Variants in GLT1D1 observed in about 807,000 individuals in gnomAD.
GLT1D1 encodes the protein glycosyltransferase 1 domain-containing protein 1.
Under a neutral mutation model 28.7 loss-of-function variants are expected in GLT1D1, and 21 were observed. That is an observed-to-expected ratio of 0.73 (90% CI 0.52 to 1.05). The LOEUF (loss-of-function observed/expected upper bound fraction) is 1.05. Ranked by LOEUF, GLT1D1 falls within the 50% of genes least tolerant of loss-of-function variation. The pLI, the probability that GLT1D1 is intolerant of heterozygous loss-of-function variation, is 0.00. For synonymous variants in GLT1D1, 147 were observed against 124.8 expected (o/e 1.18, Z -1.19); for missense variants, 343 against 330.6 (o/e 1.04, Z -0.29).
intron 1 of GLT1D1, among the ~76,000 whole-genome samples, chr12:128,867,397 C>CAAAAAAAAA (rs1158997935): frequency 3.4e-5 from 2 of 59,308 alleles, no homozygotes; most frequent in Admixed American, 2.5e-4. Context: ...AACTCCTTCT[C>CAAAAAAAAA]AAAAAAAAAA....
intron 4 of GLT1D1, among the ~76,000 whole-genome samples, chr12:128,904,214 A>G (rs2135864805): frequency 6.6e-6 from 1 of 151,922 alleles, no homozygotes; most frequent in South Asian, 2.1e-4. Context: ...AATTTCAAAA[A>G]TTACCAATAT....
chr12:128,883,272 A>T (rs1236648819), intron 2 of GLT1D1, among the ~76,000 whole-genome samples: 2 of 151,620 alleles, frequency 1.3e-5, no homozygotes, highest in Non-Finnish European at 2.9e-5. Flanking sequence ...ATAAGGAAGC[A>T]GATAAGGTCG....
chr12:128,873,919 CTT>C (rs1187646884), intron 1 of GLT1D1, among the ~76,000 whole-genome samples: 1 of 107,354 alleles, frequency 9.3e-6, no homozygotes, highest in Admixed American at 1.1e-4. Flanking sequence ...TTCTCTCTTT[CTT>C]TTTCTTTCTT....
At chr12:128,890,967 C>G (rs1234514937) in intron 3 of GLT1D1, among the ~76,000 whole-genome samples, 1 of 152,002 alleles carries the variant, frequency 6.6e-6, no homozygotes. Flanking sequence ...CCATTGCACT[C>G]CAGCCTGGGA....
chr12:128,954,377 G>A lies in GLT1D1; in HGVS notation c.541-3168G>A, dbSNP rs191722620. On this transcript the variant is annotated intron_variant, in intron 6 of 7. Transcript: ENST00000281703. ...GATCTCCTGACCTTGTGATCCTCCC[G>A]CCTCAGCCTCCCAAAGTGCTGGGAT... 5.2e-3 allele frequency among the ~76,000 whole-genome samples: 778 copies of A among 149,990 alleles called. 5 individuals are homozygous for A. The highest frequency in any genetic ancestry group is 0.018 in the African/African-American group (731 of 40,784).
chr12:128,952,441 G>C (rs1331119719), intron 6 of GLT1D1, among the ~76,000 whole-genome samples: 1 of 131,036 alleles, frequency 7.6e-6, no homozygotes, highest in African/African-American at 3.0e-5. Flanking sequence ...GGGTGGGGGG[G>C]GGTGGGGCTG....
chr12:128,974,145 C>T (rs1472270849), intron 7 of GLT1D1, among the ~76,000 whole-genome samples: 1 of 152,118 alleles, frequency 6.6e-6, no homozygotes, highest in African/African-American at 2.4e-5. Flanking sequence ...AGTCCAAATT[C>T]CTAGTTCCTT....
In GLT1D1 at chr12:128,976,522, T is replaced by G. The variant is rs142266899; in HGVS notation, c.640-6407T>G. Among the ~76,000 whole-genome samples, 355 of 152,318 alleles carry G rather than the reference T, an allele frequency of 2.3e-3. 2 individuals carry two copies. The highest frequency in any genetic ancestry group is 8.0e-3 in the African/African-American group (331 of 41,574). On this transcript the variant is annotated intron_variant, in intron 7 of 7. Transcript: ENST00000281703. ...GCGCCAGCCTTGAGACACTTCCTCG[T>G]CAACGTCTCCCATCGACAAGCTGTC...
At chr12:128,946,388 T>C (rs470861) in intron 5 of GLT1D1, among the ~76,000 whole-genome samples, 43,543 of 151,924 alleles carry the variant, frequency 0.29, 6,364 homozygotes, top group Middle Eastern at 0.36. Context: ...GCTCTGTCGC[T>C]CAGGCTGGAG....
intron 2 of GLT1D1, among the ~76,000 whole-genome samples, chr12:128,879,463 T>TTTC (rs1956982971): frequency 7.3e-6 from 1 of 137,556 alleles, no homozygotes; most frequent in Non-Finnish European, 1.5e-5. Context: ...TCTTTCTTTT[T>TTTC]TTTGGGGGGG....
chr12:128,903,118 T>TCATC (rs1198918277), intron 4 of GLT1D1, among the ~76,000 whole-genome samples: 1 of 151,660 alleles, frequency 6.6e-6, no homozygotes, highest in Non-Finnish European at 1.5e-5. Flanking sequence ...GCCTTCAATA[T>TCATC]CATCCTCCAC....
intron 1 of GLT1D1, among the ~76,000 whole-genome samples, chr12:128,866,709 T>G (rs918167375): frequency 6.6e-6 from 1 of 151,754 alleles, no homozygotes; most frequent in Non-Finnish European, 1.5e-5. Flanking sequence ...CAACCTCCAT[T>G]TCCCTGGTTC....
intron 7 of GLT1D1, among the ~76,000 whole-genome samples, chr12:128,974,006 G>C (rs1366675365): frequency 6.6e-6 from 1 of 151,118 alleles, no homozygotes; most frequent in African/African-American, 2.4e-5. Context: ...GGTGCTCAGA[G>C]GGGGACAGTC....
At chr12:128,893,220 G>A (rs942900232) in intron 3 of GLT1D1, among the ~76,000 whole-genome samples, 1 of 152,158 alleles carries the variant, frequency 6.6e-6, no homozygotes, top group Non-Finnish European at 1.5e-5. Flanking sequence ...ACTGCAGCCT[G>A]GGTGAAAGAG....
chr12:128,931,636 G>A (rs773789583), intron 4 of GLT1D1, among the ~76,000 whole-genome samples: 2 of 151,976 alleles, frequency 1.3e-5, no homozygotes, highest in Admixed American at 6.6e-5. Context: ...TATGGAACAC[G>A]GCACCTCCCC....
chr12:128,938,954 G>C (rs750329592), intron 4 of GLT1D1, among the ~76,000 whole-genome samples: 1 of 152,190 alleles, frequency 6.6e-6, no homozygotes, highest in Non-Finnish European at 1.5e-5. Flanking sequence ...TATGATAACT[G>C]TATTCTGCAG....
chr12:128,891,959 A>T (rs1182167009), intron 3 of GLT1D1, among the ~76,000 whole-genome samples: 1 of 152,186 alleles, frequency 6.6e-6, no homozygotes, highest in African/African-American at 2.4e-5. Flanking sequence ...GATGTGAGAC[A>T]TCAATCAATA....
At position 128,879,380 on chromosome 12, in the gene GLT1D1, T is replaced by C. The variant is rs897208308; in HGVS notation, c.217+3318T>C. Among the ~76,000 whole-genome samples, 19 of 28,228 alleles carry C rather than the reference T, an allele frequency of 6.7e-4. 1 individual carries two copies. The highest frequency in any genetic ancestry group is 2.8e-3 in the African/African-American group (17 of 5,968). The allele number at this position is 28,228 out of a possible 152,430, so 18.5% of individuals were successfully genotyped here. A position where few individuals can be genotyped will look rare whatever the true frequency, so the allele number is the denominator to read the frequency against. ...AGTGATACTTATTATTTTTTTCTTT[T>C]TCTTTCTTTCTTTCTTTCTTTCTTT... On this transcript the variant is annotated intron_variant, in intron 2 of 7. Transcript: ENST00000281703.
chr12:128,942,699 C>G (rs1002925680), intron 4 of GLT1D1, among the ~76,000 whole-genome samples: 1 of 151,714 alleles, frequency 6.6e-6, no homozygotes, highest in African/African-American at 2.4e-5. Context: ...TCCTTGCTGC[C>G]CCACTCAGGA....
Sources: gnomAD v4.1 joint callset for allele counts (sites outside exome capture counted in the v4.1 genomes callset) on GRCh38, gnomAD v4.1.1 for gene constraint, MANE v1.5 for transcripts, NCBI Gene and HGNC (gene_info 2026-07-23, HGNC 2026-07-21) for gene names.